CSMD1: variants seen among roughly 807,000 people sequenced by gnomAD.
The protein encoded by CSMD1 is CUB and sushi domain-containing protein 1.
A neutral mutation model predicts 417.5 loss-of-function variants in CSMD1; 213 were observed. That is an observed-to-expected ratio of 0.51 (90% CI 0.46 to 0.57). The LOEUF is 0.57. Among genes scored for constraint, CSMD1 ranks in the 20% least tolerant of loss-of-function variants. The pLI, the probability that CSMD1 is intolerant of heterozygous loss-of-function variation, is 0.00. For missense variants in CSMD1, 6,923 were observed against 4,529.7 expected (o/e 1.53, Z -15.17); for synonymous variants, 2,862 against 1,736.8 (o/e 1.65, Z -16.11).
intron 1 of CSMD1, among the ~76,000 whole-genome samples, chr8:4,834,388 C>A (rs1054977473): frequency 2.0e-5 from 3 of 151,902 alleles, no homozygotes; most frequent in Admixed American, 1.3e-4. Context: ...GAGATATAAG[C>A]AATATAGCTC....
chr8:3,944,198 G>C (rs913545920), intron 5 of CSMD1, among the ~76,000 whole-genome samples: 3 of 152,064 alleles, frequency 2.0e-5, no homozygotes, highest in African/African-American at 7.2e-5. Flanking sequence ...GAAATGGTTT[G>C]AAAATAAAAA....
intron 1 of CSMD1, among the ~76,000 whole-genome samples, chr8:4,730,952 C>T (rs80058590): frequency 0.013 from 1,904 of 152,032 alleles, 47 homozygotes; most frequent in African/African-American, 0.044. Flanking sequence ...GTGTTCCTGC[C>T]TATTGGGGTG....
At chr8:3,540,634 C>G (rs1798398013) in intron 10 of CSMD1, among the ~76,000 whole-genome samples, 1 of 152,098 alleles carries the variant, frequency 6.6e-6, no homozygotes, top group Non-Finnish European at 1.5e-5. Context: ...ATCTATCCAT[C>G]TGACAAAGGG....
chr8:4,442,317 G>C (rs1351120655), intron 2 of CSMD1, among the ~76,000 whole-genome samples: 16 of 152,044 alleles, frequency 1.1e-4, no homozygotes, highest in Admixed American at 9.2e-4. Flanking sequence ...TGAACACAAA[G>C]TATAAAGTAG....
At chr8:4,123,201 G>C (rs7463759) in intron 3 of CSMD1, among the ~76,000 whole-genome samples, 4 of 152,324 alleles carry the variant, frequency 2.6e-5, no homozygotes, top group East Asian at 1.9e-4. Flanking sequence ...GGAAGGGTTA[G>C]GAATTCCTTA....
chr8:3,391,752 C>G (rs1229468641), intron 17 of CSMD1, among the ~76,000 whole-genome samples: 1 of 152,144 alleles, frequency 6.6e-6, no homozygotes, highest in Non-Finnish European at 1.5e-5. Flanking sequence ...ATAAGTCAGC[C>G]TCGAGTACCT....
intron 41 of CSMD1, among the ~76,000 whole-genome samples, chr8:3,124,493 CAAGA>C (rs1389014678): frequency 6.6e-6 from 1 of 152,080 alleles, no homozygotes; most frequent in Non-Finnish European, 1.5e-5. Flanking sequence ...AGGAAAAGAC[CAAGA>C]AAGGCAGGCT....
intron 5 of CSMD1, among the ~76,000 whole-genome samples, chr8:3,953,922 G>T (rs764145151): frequency 1.3e-5 from 2 of 152,230 alleles, no homozygotes; most frequent in South Asian, 4.1e-4. Context: ...GTCTGGAACG[G>T]CCCTGGCAAG....
intron 5 of CSMD1, among the ~76,000 whole-genome samples, chr8:3,805,340 T>G (rs1224273030): frequency 6.6e-6 from 1 of 152,108 alleles, no homozygotes; most frequent in Non-Finnish European, 1.5e-5. Flanking sequence ...CTACAACTTT[T>G]TCCAGGATAC....
chr8:4,898,420 G>T (rs1339315697), intron 1 of CSMD1, among the ~76,000 whole-genome samples: 2 of 151,492 alleles, frequency 1.3e-5, no homozygotes, highest in East Asian at 1.9e-4. Flanking sequence ...ACAGTGACTG[G>T]GTGATGGTCA....
intron 10 of CSMD1, among the ~76,000 whole-genome samples, chr8:3,529,395 T>C (rs765013541): frequency 1.1e-4 from 17 of 152,220 alleles, no homozygotes; most frequent in Middle Eastern, 3.4e-3. Context: ...ATTGACTATA[T>C]TGAAGGAGAT....
At chr8:4,098,965 T>C (rs890177215) in intron 3 of CSMD1, among the ~76,000 whole-genome samples, 3 of 152,188 alleles carry the variant, frequency 2.0e-5, no homozygotes, top group Non-Finnish European at 2.9e-5. Flanking sequence ...TTTACAATTT[T>C]CAAAGAGGTA....
intron 3 of CSMD1, among the ~76,000 whole-genome samples, chr8:4,286,868 T>C (rs1394691937): frequency 1.3e-5 from 2 of 152,236 alleles, no homozygotes; most frequent in African/African-American, 4.8e-5. Context: ...CTAATTACAC[T>C]TGAGGCCACT....
chr8:4,500,220 G>A (rs930004149), intron 2 of CSMD1, among the ~76,000 whole-genome samples: 21 of 151,962 alleles, frequency 1.4e-4, no homozygotes, highest in African/African-American at 3.9e-4. Flanking sequence ...GGAGAGGTTG[G>A]CTTAGTGAAT....
chr8:4,764,250 G>C (rs1304190805), intron 1 of CSMD1, among the ~76,000 whole-genome samples: 1 of 152,170 alleles, frequency 6.6e-6, no homozygotes, highest in Non-Finnish European at 1.5e-5. Context: ...ACAGAGATTA[G>C]GGAAATATAT....
intron 1 of CSMD1, among the ~76,000 whole-genome samples, chr8:4,661,741 G>A (rs996281433): frequency 6.6e-6 from 1 of 152,062 alleles, no homozygotes; most frequent in Non-Finnish European, 1.5e-5. Context: ...ACAAAATATA[G>A]ACTAAGATCA....
In CSMD1 at chr8:3,223,933, G is replaced by A. The variant is rs535899929; in HGVS notation, c.4346-66C>T. On this transcript the variant is annotated intron_variant, in intron 27 of 69. Coordinates refer to ENST00000635120, the MANE Select transcript of CSMD1 (RefSeq NM_033225.6). ...CGAAGAACGCCTGCCAGTCAGTGTG[G>A]AAGGAGACACCACAGAATTCTTTAA... The A allele has an allele frequency of 7.3e-5, 110 of 1,507,408 alleles. 2 individuals carry two copies. The South Asian group carries it at 1.3e-3, about 18-fold the overall frequency. 93.4% of individuals were successfully genotyped at this position (1,507,408 alleles called of 1,614,324 possible).
At chr8:4,586,972 A>G (rs533320869) in intron 2 of CSMD1, among the ~76,000 whole-genome samples, 2 of 152,352 alleles carry the variant, frequency 1.3e-5, no homozygotes, top group East Asian at 3.9e-4. Context: ...GGTTACATCT[A>G]TATAAGAGCG....
rs71203456 is a variant in CSMD1, at chr8:3,644,966, G to GAAAAAA, written c.1010-28175_1010-28170dup. On this transcript the variant is annotated intron_variant, in intron 7 of 69. Transcript: ENST00000635120. ...GTTACGGATCACTAAGGCTTTAAAT[G>GAAAAAA]AAAAAAAAAAAAAAAAAAAAAAAAA... is the stretch of plus-strand genomic sequence containing the variant. 1.4e-3 allele frequency among the ~76,000 whole-genome samples: 89 copies of GAAAAAA among 64,516 alleles called. 7 individuals are homozygous for GAAAAAA. The highest frequency in any genetic ancestry group is 0.011 in the Middle Eastern group (1 of 92). 42.3% of individuals were successfully genotyped at this position (64,516 alleles called of 152,430 possible). A position where few individuals can be genotyped will look rare whatever the true frequency, so the allele number is the denominator to read the frequency against.
Sources: allele counts gnomAD v4.1 joint callset (sites outside exome capture counted in the v4.1 genomes callset), GRCh38; gene constraint gnomAD v4.1.1; transcripts MANE v1.5; gene names NCBI Gene and HGNC (gene_info 2026-07-23, HGNC 2026-07-21).